The following DAPK1 variants were observed in gnomAD, a reference collection of about 807,000 sequenced individuals.
DAPK1 encodes death associated protein kinase 1.
DAPK1 carries 56 observed loss-of-function variants against 144.9 expected under a neutral mutation model. That is an observed-to-expected ratio of 0.39 (90% CI 0.31 to 0.48). The LOEUF is 0.48. Among genes scored for constraint, DAPK1 ranks in the 20% least tolerant of loss-of-function variants. DAPK1 has a pLI of 0.95. For missense variants in DAPK1, 1,454 were observed against 1,875.4 expected (o/e 0.78, Z 4.15); for synonymous variants, 690 against 749.0 (o/e 0.92, Z 1.29).
chr9:87,658,648 C>G (rs1830718093), intron 18 of DAPK1, among the ~76,000 whole-genome samples: 1 of 152,232 alleles, frequency 6.6e-6, no homozygotes, highest in South Asian at 2.1e-4. Context: ...TCAGTTCTCT[C>G]ACTCCCTGCT....
intron 2 of DAPK1, among the ~76,000 whole-genome samples, chr9:87,551,922 C>G (rs796210053): frequency 6.6e-6 from 1 of 152,198 alleles, no homozygotes. Flanking sequence ...GTCTCAGATG[C>G]CTCCGTGGGC....
At chr9:87,696,096 C>T (rs1484181180) in intron 21 of DAPK1, among the ~76,000 whole-genome samples, 1 of 151,822 alleles carries the variant, frequency 6.6e-6, no homozygotes, top group Non-Finnish European at 1.5e-5. Flanking sequence ...TTGTTTTTTC[C>T]CCAGGTGGTT....
chr9:87,557,551 A>AT (rs1308322400), intron 2 of DAPK1, among the ~76,000 whole-genome samples: 6 of 152,076 alleles, frequency 3.9e-5, no homozygotes, highest in Non-Finnish European at 1.5e-5. Flanking sequence ...AAGCCATTAG[A>AT]TTTTTTTTCT....
intron 2 of DAPK1, among the ~76,000 whole-genome samples, chr9:87,604,126 A>T (rs920340209): frequency 6.6e-6 from 1 of 152,120 alleles, no homozygotes; most frequent in African/African-American, 2.4e-5. Context: ...CTTCAAACTA[A>T]GAGTGGCTCT....
At chr9:87,678,292 TATAACA>T (rs1824476203) in intron 19 of DAPK1, among the ~76,000 whole-genome samples, 1 of 152,200 alleles carries the variant, frequency 6.6e-6, no homozygotes, top group African/African-American at 2.4e-5. Context: ...CTAACTGTAA[TATAACA>T]CAGACCTTGT....
chr9:87,645,993 T>A lies in DAPK1; in HGVS notation c.1110T>A (p.Tyr370Ter). The A allele has an allele frequency of 6.2e-7, 1 of 1,614,076 alleles. No homozygotes were observed. The highest frequency in any genetic ancestry group is 8.5e-7 in the Non-Finnish European group (1 of 1,179,984). The change falls in exon 12 of 26, where the codon TAT (tyrosine) becomes TAA (stop). Residue 370 changes from tyrosine (Y) to a stop codon, truncating the protein, a stop_gained. Coordinates refer to ENST00000408954, the MANE Select transcript of DAPK1 (RefSeq NM_004938.4). LOFTEE classifies it high-confidence loss of function. ...ACCTTCTGGGCTCATTATCCAACTA[T>A]GATGTTAACCAACCCAACAAGGTCT... is the stretch of plus-strand genomic sequence containing the variant. ...LQHLLGSLSN[Y>*]DVNQPNKHGT...
chr9:87,517,126 G>GAA (rs4011689), intron 2 of DAPK1, among the ~76,000 whole-genome samples: 92,780 of 151,598 alleles, frequency 0.61, 28,720 homozygotes, highest in South Asian at 0.83. Context: ...CAGTGTGTAG[G>GAA]AGAGTGAAGA....
At chr9:87,640,666 C>A in intron 8 of DAPK1, 136 bp from the exon 9 acceptor site, 2 of 1,062,694 alleles carry the variant, frequency 1.9e-6, no homozygotes, top group Non-Finnish European at 2.9e-6. Context: ...ACAAAAAGAC[C>A]GATGTTGTTT....
At chr9:87,642,610 A>T (rs1423559115) in intron 10 of DAPK1, among the ~76,000 whole-genome samples, 1 of 152,154 alleles carries the variant, frequency 6.6e-6, no homozygotes, top group Non-Finnish European at 1.5e-5. Flanking sequence ...CTTCAGGGCT[A>T]AGAAGGTGAT....
At chr9:87,695,962 G>A (rs1825244370) in intron 21 of DAPK1, among the ~76,000 whole-genome samples, 1 of 152,108 alleles carries the variant, frequency 6.6e-6, no homozygotes, top group Admixed American at 6.5e-5. Flanking sequence ...CTCCTTCCTT[G>A]TCAGGAGTAA....
chr9:87,529,965 G>A (rs912931963), intron 2 of DAPK1, among the ~76,000 whole-genome samples: 8 of 152,146 alleles, frequency 5.3e-5, no homozygotes, highest in Non-Finnish European at 1.2e-4. Flanking sequence ...AATGCCGCCC[G>A]CCCAAGCTTC....
intron 18 of DAPK1, among the ~76,000 whole-genome samples, chr9:87,662,560 G>GTTTTTTTTTTTTTGTT (rs1830889497): frequency 3.1e-5 from 1 of 32,154 alleles, no homozygotes; most frequent in African/African-American, 1.5e-4. Flanking sequence ...TATATTCCTA[G>GTTTTTTTTTTTTTGTT]TTTTTTTTTT....
At chr9:87,655,201 A>G (rs138711049) in intron 17 of DAPK1, among the ~76,000 whole-genome samples, 1 of 152,184 alleles carries the variant, frequency 6.6e-6, no homozygotes, top group Non-Finnish European at 1.5e-5. Context: ...TTCAGAGCCC[A>G]TCTGGACAGA....
chr9:87,583,699 G>A (rs1827833570), intron 2 of DAPK1, among the ~76,000 whole-genome samples: 1 of 152,058 alleles, frequency 6.6e-6, no homozygotes, highest in Non-Finnish European at 1.5e-5. Context: ...CTACTGCACT[G>A]CTGTCACTAG....
chr9:87,568,656 A>G (rs1644472911), intron 2 of DAPK1, among the ~76,000 whole-genome samples: 1 of 152,184 alleles, frequency 6.6e-6, no homozygotes, highest in Admixed American at 6.5e-5. Context: ...GCACAAGGTG[A>G]CAACCCACTA....
intron 2 of DAPK1, among the ~76,000 whole-genome samples, chr9:87,525,635 T>C (rs1288298356): frequency 6.6e-6 from 1 of 152,202 alleles, no homozygotes; most frequent in African/African-American, 2.4e-5. Context: ...AGGCGGTTCT[T>C]TGGTCAGAGC....
intron 16 of DAPK1, chr9:87,650,584 A>G (rs1277764193): frequency 1.0e-5 from 2 of 200,196 alleles, no homozygotes; most frequent in African/African-American, 4.8e-5. Flanking sequence ...ATTCAGCCTC[A>G]TCTGTTTTTA....
intron 25 of DAPK1, among the ~76,000 whole-genome samples, chr9:87,704,493 G>A (rs1825566245): frequency 6.6e-6 from 1 of 152,110 alleles, no homozygotes; most frequent in Non-Finnish European, 1.5e-5. Flanking sequence ...CTCCAGACCT[G>A]CCTTCCGTAT....
chr9:87,541,540 C>T, intron 2 of DAPK1, among the ~76,000 whole-genome samples: 1 of 131,850 alleles, frequency 7.6e-6, no homozygotes, highest in Admixed American at 7.9e-5. Context: ...CAGAGCAAGA[C>T]TCTGTCTGGA....
Sources: allele counts gnomAD v4.1 joint callset (sites outside exome capture counted in the v4.1 genomes callset), GRCh38; gene constraint gnomAD v4.1.1; transcripts MANE v1.5; gene names NCBI Gene and HGNC (gene_info 2026-07-23, HGNC 2026-07-21).